The following KLRG2 variants were observed in gnomAD, a reference collection of about 807,000 sequenced individuals.
The protein encoded by KLRG2 is killer cell lectin like receptor G2.
Under a neutral mutation model 35.4 loss-of-function variants are expected in KLRG2, and 39 were observed. That is an observed-to-expected ratio of 1.10 (90% CI 0.85 to 1.44). The LOEUF (loss-of-function observed/expected upper bound fraction) is 1.44, where lower values mean the gene tolerates loss of function less well. KLRG2 is among the 40% of genes most tolerant of loss of function. The pLI, the probability that KLRG2 is intolerant of heterozygous loss-of-function variation, is 0.00. For missense variants in KLRG2, 632 were observed against 570.9 expected (o/e 1.11, Z -1.09); for synonymous variants, 283 against 265.8 (o/e 1.06, Z -0.63).
chr7:139,429,379 TCTTTTTC>T, the KLRG2 span, among the ~76,000 whole-genome samples: 6 of 142,376 alleles, frequency 4.2e-5, 1 homozygote, highest in African/African-American at 5.4e-5. Context: ...TTTTTCTTTT[TCTTTTTC>T]TTTTTTTTTT....
rs1192075366 is a variant in KLRG2, at chr7:139,453,674, G to T, written c.1143C>A (p.Ile381=). The T allele has an allele frequency of 7.4e-6, 12 of 1,613,996 alleles. No individual in the cohort carries two copies. In the Admixed American group the frequency reaches 1.8e-4, roughly 25 times the overall value. ...LPEDGEDNLD[I]NCGALEEGTL... The stretch of plus-strand genomic sequence containing the variant: ...TGCCTTCCTCCAGGGCCCCACAGTT[G>T]ATATCCAGATTGTCCTCGCCGTCCT... Residue 381 remains isoleucine (I), a synonymous_variant, in exon 5 of 5, where the codon ATC becomes ATA. Transcript: ENST00000340940.
the KLRG2 span, among the ~76,000 whole-genome samples, chr7:139,434,457 G>A: frequency 3.3e-5 from 5 of 152,230 alleles, no homozygotes; most frequent in Non-Finnish European, 7.4e-5. Flanking sequence ...CCCTTTACAC[G>A]GCAGTCATCT....
intron 3 of KLRG2, among the ~76,000 whole-genome samples, chr7:139,479,242 C>G (rs574813799): frequency 1.3e-5 from 2 of 152,130 alleles, no homozygotes; most frequent in African/African-American, 2.4e-5. Flanking sequence ...GCCACCATGT[C>G]CGGCTAATTT....
downstream of KLRG2, among the ~76,000 whole-genome samples, chr7:139,450,430 A>G (rs1046667268): frequency 3.9e-5 from 6 of 151,924 alleles, no homozygotes; most frequent in African/African-American, 1.2e-4. Context: ...TCACCGTGTT[A>G]GCCAGGCTGG....
chr7:139,437,740 G>A, the KLRG2 span, among the ~76,000 whole-genome samples: 2 of 149,646 alleles, frequency 1.3e-5, no homozygotes, highest in African/African-American at 2.6e-5. Context: ...TTACAGGCGT[G>A]AGCCACCGCA....
chr7:139,482,399 C>CT (rs1419937665), intron 1 of KLRG2, among the ~76,000 whole-genome samples: 52 of 148,906 alleles, frequency 3.5e-4, no homozygotes, highest in East Asian at 5.9e-4. Context: ...TGGCTTTACT[C>CT]TTTTTTTTTT....
chr7:139,430,559 C>T, the KLRG2 span, among the ~76,000 whole-genome samples: 2 of 152,194 alleles, frequency 1.3e-5, no homozygotes, highest in Admixed American at 1.3e-4. Context: ...TTTTGGAAAA[C>T]AGGCAGCTTC....
At chr7:139,477,580 G>A (rs1179231593) in intron 3 of KLRG2, among the ~76,000 whole-genome samples, 1 of 152,172 alleles carries the variant, frequency 6.6e-6, no homozygotes, top group Non-Finnish European at 1.5e-5. Flanking sequence ...CAGGGATTGG[G>A]GGCGGGGGAA....
intron 3 of KLRG2, among the ~76,000 whole-genome samples, chr7:139,457,792 T>G (rs2116433138): frequency 6.6e-6 from 1 of 152,094 alleles, no homozygotes; most frequent in Admixed American, 6.5e-5. Flanking sequence ...CTTCTTTTCC[T>G]TGCGTTTGAG....
At chr7:139,470,929 G>A (rs1057195002) in intron 3 of KLRG2, among the ~76,000 whole-genome samples, 2 of 151,086 alleles carry the variant, frequency 1.3e-5, no homozygotes, top group African/African-American at 4.9e-5. Context: ...TGGAACCCCT[G>A]TCTCCCAGGT....
At chr7:139,443,796 G>A in the KLRG2 span, among the ~76,000 whole-genome samples, 67 of 152,132 alleles carry the variant, frequency 4.4e-4, no homozygotes, top group Non-Finnish European at 9.3e-4. Flanking sequence ...TCCTGACCTC[G>A]TCCGCCCACC....
intron 3 of KLRG2, among the ~76,000 whole-genome samples, chr7:139,474,266 T>C (rs542113329): frequency 1.4e-4 from 22 of 152,174 alleles, no homozygotes; most frequent in Admixed American, 1.4e-3. Flanking sequence ...CCTCAAGTGA[T>C]CCATCTGCCT....
chr7:139,469,892 G>C (rs1796727491), intron 3 of KLRG2, among the ~76,000 whole-genome samples: 1 of 152,222 alleles, frequency 6.6e-6, no homozygotes, highest in Admixed American at 6.5e-5. Context: ...ACACGGTCAG[G>C]ACACTGTGGG....
At chr7:139,436,293 G>A in the KLRG2 span, among the ~76,000 whole-genome samples, 236 of 152,280 alleles carry the variant, frequency 1.5e-3, 2 homozygotes, top group East Asian at 0.038. Context: ...AAGCATGGAA[G>A]AAGACTGCTG....
chr7:139,464,673 G>A (rs1455360154), intron 3 of KLRG2, among the ~76,000 whole-genome samples: 1 of 152,192 alleles, frequency 6.6e-6, no homozygotes, highest in African/African-American at 2.4e-5. Context: ...GCAGGACTCT[G>A]TGGTCGGAAT....
At chr7:139,447,395 G>T in the KLRG2 span, among the ~76,000 whole-genome samples, 1 of 147,590 alleles carries the variant, frequency 6.8e-6, no homozygotes, top group Admixed American at 6.8e-5. Context: ...ATATGACTTG[G>T]GTCATTCTTT....
the KLRG2 span, among the ~76,000 whole-genome samples, chr7:139,443,094 CTTTTTTT>C: frequency 8.3e-6 from 1 of 120,568 alleles, no homozygotes; most frequent in South Asian, 2.6e-4. Context: ...GGAAAAAAAA[CTTTTTTT>C]TTTTTTTTTT....
rs1047043488 is a variant in KLRG2, at chr7:139,483,114, A to ATGGTGCGCGCAGCAGGAGC, written c.510_528dup (p.Ser177AlafsTer203). The ATGGTGCGCGCAGCAGGAGC allele has an allele frequency of 6.8e-6, 10 of 1,475,136 alleles. No individual in the cohort carries two copies. In the African/African-American group the frequency reaches 1.0e-4, roughly 15 times the overall value. 91.4% of individuals were successfully genotyped at this position (1,475,136 alleles called of 1,614,324 possible). On this transcript the variant is annotated frameshift_variant, in exon 1 of 5. Transcript: ENST00000340940. LOFTEE classifies it high-confidence loss of function. ...CGGCGGCCCCACGTGCCGCCCTGGG[A>ATGGTGCGCGCAGCAGGAGC]TGGTGCGCGCAGCAGGAGCTGGTGC...
chr7:139,453,986 G>C, intron 4 of KLRG2, 125 bp downstream of exon 4: 1 of 718,052 alleles, frequency 1.4e-6, no homozygotes, highest in South Asian at 1.7e-5. Context: ...ACCAGGCCGC[G>C]AGCATGGGCG....
Sources: allele counts gnomAD v4.1 joint callset (sites outside exome capture counted in the v4.1 genomes callset), GRCh38; gene constraint gnomAD v4.1.1; transcripts MANE v1.5; gene names NCBI Gene and HGNC (gene_info 2026-07-23, HGNC 2026-07-21).